Variants in ENOX1 observed in about 807,000 individuals in gnomAD.
ENOX1 encodes ecto-NOX disulfide-thiol exchanger 1.
In ENOX1, 42 loss-of-function variants were observed where a neutral mutation model predicts 82.5. The ratio of observed to expected loss-of-function variants is 0.51; its 90% CI spans 0.40 to 0.66. The LOEUF is 0.66. Ranked by LOEUF, ENOX1 falls within the 30% of genes least tolerant of loss-of-function variation. The pLI, the probability that ENOX1 is intolerant of heterozygous loss-of-function variation, is 0.00. For synonymous variants in ENOX1, 271 were observed against 282.2 expected (o/e 0.96, Z 0.40); for missense variants, 608 against 811.6 (o/e 0.75, Z 3.05).
At chr13:43,626,556 C>T (rs971610960) in intron 2 of ENOX1, among the ~76,000 whole-genome samples, 25 of 151,730 alleles carry the variant, frequency 1.6e-4, no homozygotes, top group African/African-American at 3.9e-4. Flanking sequence ...CTCTGACCCA[C>T]GCATTGACTA....
intron 1 of ENOX1, among the ~76,000 whole-genome samples, chr13:43,694,753 A>T (rs2086549872): frequency 6.6e-6 from 1 of 152,180 alleles, no homozygotes; most frequent in Non-Finnish European, 1.5e-5. Flanking sequence ...GCCCTCTCCT[A>T]TTCCAAGACA....
chr13:43,609,918 A>C, intron 2 of ENOX1: 2 of 981,944 alleles, frequency 2.0e-6, no homozygotes, highest in South Asian at 9.4e-5. Flanking sequence ...TCTTCTGTCC[A>C]TCTGGAGAAG....
At chr13:43,411,075 T>C (rs2054099546) in intron 5 of ENOX1, among the ~76,000 whole-genome samples, 1 of 152,154 alleles carries the variant, frequency 6.6e-6, no homozygotes, top group African/African-American at 2.4e-5. Flanking sequence ...CCTGATAACA[T>C]CTTTCCTCAA....
At chr13:43,575,002 C>G (rs2080354412) in intron 2 of ENOX1, among the ~76,000 whole-genome samples, 1 of 152,138 alleles carries the variant, frequency 6.6e-6, no homozygotes, top group South Asian at 2.1e-4. Context: ...AAGAGAGAGC[C>G]ACATTCTGCT....
chr13:43,439,345 A>G (rs1327887260), intron 3 of ENOX1, among the ~76,000 whole-genome samples: 2 of 151,152 alleles, frequency 1.3e-5, no homozygotes, highest in Non-Finnish European at 2.9e-5. Flanking sequence ...TGATTCTCTG[A>G]CCTCAGCCAC....
At position 43,625,637 on chromosome 13, in the gene ENOX1, G is replaced by A. The variant is rs150408577; in HGVS notation, c.-219+41842C>T. ...TTTCCTCTAACCTGTTAATGTGGTGGATTGCATAGATTGATTTTCAAATAT... is the reference window on the plus strand; with the variant it reads ...TTTCCTCTAACCTGTTAATGTGGTGAATTGCATAGATTGATTTTCAAATAT... On this transcript the variant is annotated intron_variant, in intron 2 of 16. Transcript: ENST00000690772. 3.9e-4 allele frequency among the ~76,000 whole-genome samples: 59 copies of A among 152,010 alleles called. 1 individual carries two copies. In the East Asian group the frequency reaches 0.011, roughly 28 times the overall value.
intron 2 of ENOX1, among the ~76,000 whole-genome samples, chr13:43,515,526 T>G (rs2077526994): frequency 6.6e-6 from 1 of 152,188 alleles, no homozygotes. Context: ...GTCTTGTTAA[T>G]TGATTAAATT....
intron 8 of ENOX1, among the ~76,000 whole-genome samples, chr13:43,354,777 G>A (rs2050043916): frequency 6.6e-6 from 1 of 152,148 alleles, no homozygotes. Flanking sequence ...CAGCTTCTAT[G>A]CTGAATTCCT....
chr13:43,565,420 T>G (rs928012062), intron 2 of ENOX1, among the ~76,000 whole-genome samples: 2 of 152,130 alleles, frequency 1.3e-5, no homozygotes, highest in African/African-American at 4.8e-5. Flanking sequence ...TCCTCAGCTC[T>G]GGACACAAAA....
intron 2 of ENOX1, among the ~76,000 whole-genome samples, chr13:43,565,977 C>T (rs1170199071): frequency 6.6e-6 from 1 of 152,062 alleles, no homozygotes; most frequent in African/African-American, 2.4e-5. Context: ...TTTGTTTGGC[C>T]TAATTTTTAA....
intron 1 of ENOX1, among the ~76,000 whole-genome samples, chr13:43,746,755 G>A (rs1323054231): frequency 6.6e-6 from 1 of 152,084 alleles, no homozygotes; most frequent in East Asian, 1.9e-4. Flanking sequence ...AGAAAAACTG[G>A]AGGAAAGTAC....
chr13:43,359,544 T>A (rs1310675910), intron 7 of ENOX1, among the ~76,000 whole-genome samples: 1 of 152,192 alleles, frequency 6.6e-6, no homozygotes, highest in Non-Finnish European at 1.5e-5. Context: ...AAGGATTACA[T>A]CCAGTAAGAA....
At chr13:43,461,261 T>C (rs1040388628) in intron 3 of ENOX1, among the ~76,000 whole-genome samples, 2 of 152,248 alleles carry the variant, frequency 1.3e-5, no homozygotes, top group East Asian at 1.9e-4. Context: ...AGGAGAAATC[T>C]ACTTTGTGAT....
intron 3 of ENOX1, among the ~76,000 whole-genome samples, chr13:43,414,239 G>A (rs185771691): frequency 1.3e-5 from 2 of 152,254 alleles, no homozygotes; most frequent in African/African-American, 4.8e-5. Flanking sequence ...GGTGAATAAT[G>A]AGCAAATAGT....
At position 43,591,859 on chromosome 13, in the gene ENOX1, G is replaced by A. The variant is rs535651202; in HGVS notation, c.-219+75620C>T. ...TCCTGGTGTTGGCAAATAGAAGTTGGAGGTAACTTTTCCCATGGAAACTTT... is the reference window on the plus strand; with the variant it reads ...TCCTGGTGTTGGCAAATAGAAGTTGAAGGTAACTTTTCCCATGGAAACTTT... On this transcript the variant is annotated intron_variant, in intron 2 of 16. Coordinates refer to ENST00000690772, the MANE Select transcript of ENOX1 (RefSeq NM_001347969.2). 9.9e-5 allele frequency among the ~76,000 whole-genome samples: 15 copies of A among 152,162 alleles called. No homozygotes were observed. In the East Asian group the frequency reaches 2.5e-3, roughly 26 times the overall value.
At chr13:43,578,709 G>A (rs1396933101) in intron 2 of ENOX1, among the ~76,000 whole-genome samples, 4 of 152,086 alleles carry the variant, frequency 2.6e-5, no homozygotes, top group Non-Finnish European at 5.9e-5. Flanking sequence ...CTCTGTTAGA[G>A]CACAGCTGAT....
chr13:43,369,797 G>A (rs1010007463), intron 5 of ENOX1, among the ~76,000 whole-genome samples: 3 of 152,082 alleles, frequency 2.0e-5, no homozygotes, highest in Non-Finnish European at 4.4e-5. Flanking sequence ...CTTCTTGCAG[G>A]ACAGATTCAG....
intron 5 of ENOX1, among the ~76,000 whole-genome samples, chr13:43,367,434 T>C (rs2050920488): frequency 6.6e-6 from 1 of 152,200 alleles, no homozygotes; most frequent in African/African-American, 2.4e-5. Flanking sequence ...CTAATATGAC[T>C]GCTGTCCTTA....
Position 43,491,917 on chromosome 13 carries a change from C to A in ENOX1, c.-218-7765G>T, listed in dbSNP as rs574643383. On this transcript the variant is annotated intron_variant, in intron 2 of 16. Coordinates refer to ENST00000690772, the MANE Select transcript of ENOX1 (RefSeq NM_001347969.2). Reference sequence around the variant, plus strand: ...CACCAGAAATATCTGTTCCCACCATCCTCTGTAATCTCAAAACAGACTATT... The same window carrying A: ...CACCAGAAATATCTGTTCCCACCATACTCTGTAATCTCAAAACAGACTATT... Among the ~76,000 whole-genome samples the A allele has an allele frequency of 7.2e-5, 11 of 152,328 alleles. No homozygotes were observed. In the East Asian group the frequency reaches 1.9e-3, roughly 27 times the overall value.
Sources: gnomAD v4.1 joint callset for allele counts (sites outside exome capture counted in the v4.1 genomes callset) on GRCh38, gnomAD v4.1.1 for gene constraint, MANE v1.5 for transcripts, NCBI Gene and HGNC (gene_info 2026-07-23, HGNC 2026-07-21) for gene names.